Variants in KCTD7 observed in about 807,000 individuals in gnomAD.
KCTD7 encodes the protein potassium channel tetramerization domain containing 7, also known as BTB/POZ domain-containing protein KCTD7.
Under a neutral mutation model 27.0 loss-of-function variants are expected in KCTD7, and 15 were observed. That is an observed-to-expected ratio of 0.56 (90% CI 0.37 to 0.86). The LOEUF is 0.86. Ranked by LOEUF, KCTD7 falls within the 40% of genes least tolerant of loss-of-function variation. KCTD7 has a pLI of 0.00. For synonymous variants in KCTD7, 159 were observed against 162.7 expected (o/e 0.98, Z 0.17); for missense variants, 299 against 398.9 (o/e 0.75, Z 2.13).
In KCTD7 at chr7:66,628,978, A is replaced by T; in HGVS notation, c.-87A>T. On this transcript the variant is annotated 5_prime_UTR_variant, in exon 1 of 4. An upstream start codon of the reference 5' UTR is lost. Transcript: ENST00000639828. The stretch of plus-strand genomic sequence containing the variant: ...CGGCCAGCCCGCAGCCGGCCGCGTC[A>T]TGCCAGGCGCTGCTCGGCGGTAGGG... The T allele has an allele frequency of 7.4e-7, 1 of 1,356,050 alleles. No individual in the cohort carries two copies. Among genetic ancestry groups the T allele is most frequent in the South Asian group, 1.4e-5 (1 of 69,170 alleles). The allele number at this position is 1,356,050 out of a possible 1,614,324, so 84.0% of individuals were successfully genotyped here. A position where few individuals can be genotyped will look rare whatever the true frequency, so the allele number is the denominator to read the frequency against.
At chr7:66,632,284 G>A (rs1422131219) in intron 1 of KCTD7, among the ~76,000 whole-genome samples, 3 of 151,824 alleles carry the variant, frequency 2.0e-5, no homozygotes, top group Admixed American at 6.6e-5. Context: ...TCAGGAGATC[G>A]AGACAATCCT....
chr7:66,637,818 C>G (rs1288732548), intron 2 of KCTD7, among the ~76,000 whole-genome samples: 2 of 151,850 alleles, frequency 1.3e-5, no homozygotes, highest in South Asian at 2.1e-4. Flanking sequence ...TATATTCATA[C>G]TTAAAAAAAC....
In KCTD7 at chr7:66,628,982, C is replaced by G; in HGVS notation, c.-83C>G. 1 of 1,387,792 alleles carries G rather than the reference C, an allele frequency of 7.2e-7. No individual in the cohort carries two copies. The highest frequency in any genetic ancestry group is 1.4e-5 in the South Asian group (1 of 73,194). The allele number at this position is 1,387,792 out of a possible 1,614,324, so 86.0% of individuals were successfully genotyped here. A position where few individuals can be genotyped will look rare whatever the true frequency, so the allele number is the denominator to read the frequency against. On this transcript the variant is annotated 5_prime_UTR_variant, in exon 1 of 4. Transcript: ENST00000639828. ...CAGCCCGCAGCCGGCCGCGTCATGC[C>G]AGGCGCTGCTCGGCGGTAGGGAGTG...
chr7:66,633,969 C>CA (rs1786513996), intron 2 of KCTD7, among the ~76,000 whole-genome samples: 1 of 151,848 alleles, frequency 6.6e-6, no homozygotes, highest in Non-Finnish European at 1.5e-5. Context: ...GCCTGGGCGA[C>CA]ACGAGATTCC....
Position 66,643,011 on chromosome 7 carries a change from C to A in KCTD7, c.*3779C>A. 1.0e-5 allele frequency: 10 copies of A among 985,444 alleles called. No individual in the cohort carries two copies. The highest frequency in any genetic ancestry group is 1.2e-5 in the Non-Finnish European group (10 of 829,972). The allele number at this position is 985,444 out of a possible 1,614,324, so 61.0% of individuals were successfully genotyped here. A position where few individuals can be genotyped will look rare whatever the true frequency, so the allele number is the denominator to read the frequency against. On this transcript the variant is annotated 3_prime_UTR_variant, in exon 4 of 4. Coordinates refer to ENST00000639828, the MANE Select transcript of KCTD7 (RefSeq NM_153033.5). Reference sequence around the variant, plus strand: ...GTGAGTGCTTTGGTGTATTGAGCCTCAGTACACTCCAAGGGCATTAAAGTC... The same window carrying A: ...GTGAGTGCTTTGGTGTATTGAGCCTAAGTACACTCCAAGGGCATTAAAGTC...
intron 2 of KCTD7, 128 bp from the exon 3 acceptor site, chr7:66,638,125 T>A (rs1027840441): frequency 4.5e-6 from 4 of 891,410 alleles, no homozygotes; most frequent in Non-Finnish European, 7.6e-6. Flanking sequence ...AGACATGGAG[T>A]AGTTAAGTTC....
At chr7:66,635,133 T>A (rs552774222) in intron 2 of KCTD7, among the ~76,000 whole-genome samples, 5 of 152,134 alleles carry the variant, frequency 3.3e-5, no homozygotes, top group African/African-American at 1.2e-4. Context: ...CTGCCTCAGT[T>A]TCCCAAGTAG....
In KCTD7 at chr7:66,640,442, G is replaced by T. The variant is rs1786690102; in HGVS notation, c.*1210G>T. On this transcript the variant is annotated 3_prime_UTR_variant, in exon 4 of 4. Transcript: ENST00000639828. The stretch of plus-strand genomic sequence containing the variant: ...TCTGTTACTACTGCATTTCCTTCTT[G>T]CTCTGTCTACAGCCTAGGCCAACTA... The T allele has an allele frequency of 6.5e-7, 1 of 1,537,164 alleles. No homozygotes were observed. Among genetic ancestry groups the T allele is most frequent in the Non-Finnish European group, 8.7e-7 (1 of 1,146,894 alleles).
chr7:66,643,134 C>T (rs1431262995), downstream of KCTD7: 2 of 981,364 alleles, frequency 2.0e-6, no homozygotes, highest in African/African-American at 1.8e-5. Flanking sequence ...TTTATTTCTG[C>T]TTAAAATGTG....
In KCTD7 at chr7:66,639,046, G is replaced by A. The variant is rs1489500575; in HGVS notation, c.684G>A (p.Val228=). 1 of 1,614,034 alleles carries A rather than the reference G, an allele frequency of 6.2e-7. No homozygotes were observed. The highest frequency in any genetic ancestry group is 1.3e-5 in the African/African-American group (1 of 74,926). ...AGCTTTTTGAGCACCACTGTGAAGT[G>A]GATGTGTCTTTTGGGCCCTGGGAGG... The part of the protein sequence containing the change: ...DGQLFEHHCE[V]DVSFGPWEAV... The change falls in exon 4 of 4, where the codon GTG becomes GTA. Residue 228 remains valine (V), a synonymous_variant. Coordinates refer to ENST00000639828, the MANE Select transcript of KCTD7 (RefSeq NM_153033.5).
rs897697676 is a variant in KCTD7 at position 66,640,020 on chromosome 7, A to C, written c.*788A>C. On this transcript the variant is annotated 3_prime_UTR_variant, in exon 4 of 4. Coordinates refer to ENST00000639828, the MANE Select transcript of KCTD7 (RefSeq NM_153033.5). ...AGAGGCTTCTTTTGAAGATTCCCCA[A>C]GTCAAGCAGGCAAGATGCCTAGATC... The C allele has an allele frequency of 4.8e-6, 6 of 1,255,988 alleles. No individual in the cohort carries two copies. The African/African-American group carries it at 9.3e-5, about 19-fold the overall frequency. The allele number at this position is 1,255,988 out of a possible 1,614,324, so 77.8% of individuals were successfully genotyped here.
At chr7:66,633,606 T>C (rs1176503854) in intron 2 of KCTD7, among the ~76,000 whole-genome samples, 162 bp downstream of exon 2, 1 of 152,090 alleles carries the variant, frequency 6.6e-6, no homozygotes, top group Admixed American at 6.6e-5. Context: ...TTTTTTTTTT[T>C]TTTTGCCAAA....
chr7:66,636,929 T>G (rs1256506282), intron 2 of KCTD7, among the ~76,000 whole-genome samples: 2 of 152,206 alleles, frequency 1.3e-5, no homozygotes, highest in Non-Finnish European at 2.9e-5. Flanking sequence ...AGAATAATAC[T>G]AGTGGCAAGG....
At chr7:66,629,675 C>T (rs1294942383) in intron 1 of KCTD7, among the ~76,000 whole-genome samples, 2 of 151,664 alleles carry the variant, frequency 1.3e-5, no homozygotes, top group Admixed American at 6.6e-5. Context: ...GTCCCTACTA[C>T]GACTGGAAAA....
chr7:66,635,039 C>T (rs537352444), intron 2 of KCTD7, among the ~76,000 whole-genome samples: 2 of 144,000 alleles, frequency 1.4e-5, no homozygotes, highest in South Asian at 2.2e-4. Flanking sequence ...TTTGAGTCAG[C>T]GTCTTGCTCT....
At chr7:66,637,345 C>T (rs988194817) in intron 2 of KCTD7, among the ~76,000 whole-genome samples, 2 of 152,148 alleles carry the variant, frequency 1.3e-5, no homozygotes, top group East Asian at 1.9e-4. Context: ...CTCGGCCTCC[C>T]AAAGTGCTGG....
Position 66,641,675 on chromosome 7 carries a change from AC to A in KCTD7, c.*2444del. On this transcript the variant is annotated 3_prime_UTR_variant, in exon 4 of 4. Transcript: ENST00000639828. ...GGCCAGTAGAACAGGCAGAGAGGTG[AC>A]ACTGGGCAGCAAGCTGAGAGCTCTT... is the stretch of plus-strand genomic sequence containing the variant. The A allele has an allele frequency of 1.0e-6, 1 of 985,428 alleles. No homozygotes were observed. The highest frequency in any genetic ancestry group is 1.2e-6 in the Non-Finnish European group (1 of 829,948). The allele number at this position is 985,428 out of a possible 1,614,324, so 61.0% of individuals were successfully genotyped here.
intron 2 of KCTD7, 136 bp downstream of exon 2, chr7:66,633,580 T>C: frequency 1.1e-6 from 1 of 905,142 alleles, no homozygotes. Context: ...AATGGGTTTA[T>C]TGAAAGAGAT....
chr7:66,633,453 C>T lies in KCTD7; in HGVS notation c.314+9C>T, dbSNP rs762081281. 2.5e-6 allele frequency: 4 copies of T among 1,613,996 alleles called. No homozygotes were observed. The highest frequency in any genetic ancestry group is 3.4e-6 in the Non-Finnish European group (4 of 1,179,900). The stretch of plus-strand genomic sequence containing the variant: ...GATGGCACACACTTTGGGTATGTCT[C>T]TCCCTCTACAATCAACTTTGTAGTC... On this transcript the variant is annotated intron_variant, in intron 2 of 3. Transcript: ENST00000639828.
Sources: gnomAD v4.1 joint callset for allele counts (sites outside exome capture counted in the v4.1 genomes callset) on GRCh38, gnomAD v4.1.1 for gene constraint, MANE v1.5 for transcripts, NCBI Gene and HGNC (gene_info 2026-07-23, HGNC 2026-07-21) for gene names.